AFG1L: variants seen among roughly 807,000 people sequenced by gnomAD.
AFG1L encodes the protein AFG1 like ATPase.
AFG1L carries 53 observed loss-of-function variants against 62.2 expected under a neutral mutation model. That is an observed-to-expected ratio of 0.85 (90% CI 0.68 to 1.07). The LOEUF (loss-of-function observed/expected upper bound fraction) is 1.07, where lower values mean the gene tolerates loss of function less well. AFG1L is among the 50% of genes least tolerant of loss of function. AFG1L has a pLI of 0.00. For missense variants in AFG1L, 555 were observed against 590.5 expected (o/e 0.94, Z 0.62); for synonymous variants, 228 against 210.3 (o/e 1.08, Z -0.73).
intron 6 of AFG1L, among the ~76,000 whole-genome samples, chr6:108,389,094 G>A (rs1780921505): frequency 6.6e-6 from 1 of 152,196 alleles, no homozygotes; most frequent in Non-Finnish European, 1.5e-5. Context: ...AGGAGAGTTA[G>A]CTCTTCCTGT....
chr6:108,502,650 A>G (rs1774253856), intron 10 of AFG1L, among the ~76,000 whole-genome samples: 2 of 152,112 alleles, frequency 1.3e-5, no homozygotes, highest in Non-Finnish European at 2.9e-5. Flanking sequence ...TCTTGCCTCA[A>G]TGTTGATGAC....
At chr6:108,487,985 G>T (rs190965597) in intron 10 of AFG1L, among the ~76,000 whole-genome samples, 114 of 151,508 alleles carry the variant, frequency 7.5e-4, no homozygotes, top group African/African-American at 2.6e-3. Flanking sequence ...AGATTAACAG[G>T]TCAGTATACT....
intron 11 of AFG1L, among the ~76,000 whole-genome samples, chr6:108,511,069 C>T (rs1774628316): frequency 7.5e-6 from 1 of 133,604 alleles, no homozygotes; most frequent in Non-Finnish European, 1.6e-5. Context: ...GCCTGGGTGA[C>T]AGAGTGAGGC....
chr6:108,351,549 C>T (rs1045027216), intron 3 of AFG1L, among the ~76,000 whole-genome samples: 2 of 152,040 alleles, frequency 1.3e-5, no homozygotes, highest in African/African-American at 4.8e-5. Flanking sequence ...ATTTTTATGC[C>T]TTTTATTTCT....
At chr6:108,475,124 A>G (rs1582638518) in intron 8 of AFG1L, among the ~76,000 whole-genome samples, 1 of 152,200 alleles carries the variant, frequency 6.6e-6, no homozygotes, top group South Asian at 2.1e-4. Context: ...CAGTTTTCCC[A>G]GCACCATTTA....
chr6:108,371,364 C>T (rs558436343), intron 6 of AFG1L, among the ~76,000 whole-genome samples: 6 of 152,076 alleles, frequency 3.9e-5, no homozygotes, highest in South Asian at 4.2e-4. Context: ...ATTGCTTGAG[C>T]GCAGGAGTTT....
chr6:108,417,888 C>A (rs778104861), intron 7 of AFG1L, among the ~76,000 whole-genome samples: 3 of 152,070 alleles, frequency 2.0e-5, no homozygotes, highest in Non-Finnish European at 4.4e-5. Context: ...GGCTGGAGTG[C>A]AGTGGTGCAA....
At chr6:108,391,222 G>C (rs1781044310) in intron 6 of AFG1L, among the ~76,000 whole-genome samples, 1 of 152,152 alleles carries the variant, frequency 6.6e-6, no homozygotes, top group South Asian at 2.1e-4. Context: ...CACATTAGTG[G>C]TTGTACTAGT....
intron 2 of AFG1L, among the ~76,000 whole-genome samples, chr6:108,326,725 C>T (rs564372518): frequency 1.1e-4 from 17 of 152,190 alleles, no homozygotes; most frequent in South Asian, 6.2e-4. Flanking sequence ...TTTGGGAAGC[C>T]GAGGTGGGCA....
chr6:108,479,023 T>A (rs1333834020), intron 10 of AFG1L, among the ~76,000 whole-genome samples: 1 of 152,204 alleles, frequency 6.6e-6, no homozygotes, highest in Non-Finnish European at 1.5e-5. Flanking sequence ...AACTAAACTC[T>A]TAGATTAAAC....
intron 7 of AFG1L, among the ~76,000 whole-genome samples, chr6:108,440,174 G>C (rs1044518880): frequency 6.6e-6 from 1 of 151,994 alleles, no homozygotes; most frequent in Non-Finnish European, 1.5e-5. Flanking sequence ...GTTCAAAAAA[G>C]ATACATTTTT....
intron 7 of AFG1L, among the ~76,000 whole-genome samples, chr6:108,413,022 T>C (rs988172400): frequency 1.3e-5 from 2 of 151,904 alleles, no homozygotes; most frequent in African/African-American, 4.8e-5. Context: ...AGGAAACCCA[T>C]CTCAGGTGCA....
chr6:108,319,777 A>G (rs1222891538), intron 1 of AFG1L: 1 of 438,058 alleles, frequency 2.3e-6, no homozygotes, highest in Non-Finnish European at 4.6e-6. Flanking sequence ...CCCAGCCTCA[A>G]CTTTAAAAAA....
rs573118541 is a variant in AFG1L, at chr6:108,509,912, C to T, written c.1063-300C>T. 2.2e-4 allele frequency among the ~76,000 whole-genome samples: 34 copies of T among 152,098 alleles called. No homozygotes were observed. The South Asian group carries it at 4.4e-3, about 20-fold the overall frequency. ...ATTTAGTGTCTCATCTTTTGTAAAC[C>T]GGAAAGTATATGTAAAAAAATGTAA... On this transcript the variant is annotated intron_variant, in intron 10 of 12. Coordinates refer to ENST00000368977, the MANE Select transcript of AFG1L (RefSeq NM_145315.5).
At chr6:108,490,379 A>G (rs1773730309) in intron 10 of AFG1L, among the ~76,000 whole-genome samples, 1 of 152,178 alleles carries the variant, frequency 6.6e-6, no homozygotes, top group Admixed American at 6.5e-5. Flanking sequence ...AAACAAACAA[A>G]AAAACAGAAG....
At chr6:108,373,532 T>C (rs1356032237) in intron 6 of AFG1L, among the ~76,000 whole-genome samples, 1 of 152,152 alleles carries the variant, frequency 6.6e-6, no homozygotes, top group Non-Finnish European at 1.5e-5. Context: ...ATGATTTGTT[T>C]TCTGTTGGAT....
At chr6:108,328,897 CT>C (rs1778162918) in intron 2 of AFG1L, among the ~76,000 whole-genome samples, 1 of 152,114 alleles carries the variant, frequency 6.6e-6, no homozygotes, top group South Asian at 2.1e-4. Context: ...GTGAATAACC[CT>C]GGTTTTACTG....
At chr6:108,336,126 C>G (rs1778467031) in intron 2 of AFG1L, among the ~76,000 whole-genome samples, 1 of 152,134 alleles carries the variant, frequency 6.6e-6, no homozygotes, top group Non-Finnish European at 1.5e-5. Context: ...TAAAGATCTT[C>G]TTAGAAACCT....
At chr6:108,377,070 C>CT (rs542271862) in intron 6 of AFG1L, among the ~76,000 whole-genome samples, 12 of 149,538 alleles carry the variant, frequency 8.0e-5, no homozygotes, top group Non-Finnish European at 1.0e-4. Context: ...TTTTTTCTGC[C>CT]TTTTTTTTTG....
Sources: allele counts gnomAD v4.1 joint callset (sites outside exome capture counted in the v4.1 genomes callset), GRCh38; gene constraint gnomAD v4.1.1; transcripts MANE v1.5; gene names NCBI Gene and HGNC (gene_info 2026-07-23, HGNC 2026-07-21).